Variants in PBLD observed in about 807,000 individuals in gnomAD.
PBLD encodes the protein phenazine biosynthesis-like domain-containing protein.
A neutral mutation model predicts 31.3 loss-of-function variants in PBLD; 26 were observed. The observed-to-expected ratio is 0.83, with a 90% CI of 0.61 to 1.15. The LOEUF is 1.15. Ranked by LOEUF, PBLD falls within the 50% of genes most tolerant of loss-of-function variation. PBLD has a pLI of 0.00. For synonymous variants in PBLD, 114 were observed against 129.0 expected (o/e 0.88, Z 0.79); for missense variants, 307 against 351.7 (o/e 0.87, Z 1.02).
Position 68,307,908 on chromosome 10 carries a change from T to G in PBLD, c.-59-1005A>C, listed in dbSNP as rs1158856350. On this transcript the variant is annotated intron_variant, in intron 1 of 9. Coordinates refer to ENST00000358769, the MANE Select transcript of PBLD (RefSeq NM_022129.4). ...ATTTTTTAAAAGAACGCATTTTTTC[T>G]AATTAAAAAATATGCTCATTATAAA... 3.9e-5 allele frequency among the ~76,000 whole-genome samples: 6 copies of G among 152,206 alleles called. No individual in the cohort carries two copies. In the East Asian group the frequency reaches 1.2e-3, roughly 29 times the overall value.
chr10:68,297,150 C>T (rs1424604527), intron 2 of PBLD, 165 bp from the exon 3 acceptor site: 3 of 621,878 alleles, frequency 4.8e-6, no homozygotes, highest in Non-Finnish European at 8.4e-6. Context: ...AAGATTGGTT[C>T]TCAGAAACCC....
intron 6 of PBLD, among the ~76,000 whole-genome samples, chr10:68,290,721 A>T (rs913783541): frequency 1.3e-5 from 2 of 151,392 alleles, no homozygotes; most frequent in Admixed American, 6.6e-5. Context: ...CGTCTCAAAT[A>T]AAAAAAAAGG....
intron 1 of PBLD, among the ~76,000 whole-genome samples, chr10:68,322,260 A>G (rs936759136): frequency 6.6e-6 from 1 of 152,138 alleles, no homozygotes; most frequent in Non-Finnish European, 1.5e-5. Flanking sequence ...TGCTAAGGAG[A>G]CATGATGACT....
In PBLD at chr10:68,327,067, A is replaced by AT. The variant is rs1281786999; in HGVS notation, c.-60+5716_-60+5717insA. Among the ~76,000 whole-genome samples, 3 of 151,274 alleles carry AT rather than the reference A, an allele frequency of 2.0e-5. No individual in the cohort carries two copies. The South Asian group carries it at 6.3e-4, about 32-fold the overall frequency. On this transcript the variant is annotated intron_variant, in intron 1 of 9. Coordinates refer to ENST00000358769, the MANE Select transcript of PBLD (RefSeq NM_022129.4). ...CTACAAAACAACAACAACAACAATA[A>AT]AAAAAAAACTGGGGTTCAGAAAAGT...
intron 1 of PBLD, among the ~76,000 whole-genome samples, chr10:68,330,919 A>G (rs2045053221): frequency 6.6e-6 from 1 of 152,120 alleles, no homozygotes; most frequent in Admixed American, 6.5e-5. Flanking sequence ...CACTGGCGCA[A>G]TCACGGCTCA....
At chr10:68,316,694 C>G (rs957103415) in intron 1 of PBLD, among the ~76,000 whole-genome samples, 1 of 152,124 alleles carries the variant, frequency 6.6e-6, no homozygotes, top group Non-Finnish European at 1.5e-5. Flanking sequence ...CACCTAGACA[C>G]ACAATAATCT....
At chr10:68,325,644 A>G (rs2044908108) in intron 1 of PBLD, among the ~76,000 whole-genome samples, 1 of 152,184 alleles carries the variant, frequency 6.6e-6, no homozygotes, top group Admixed American at 6.5e-5. Context: ...TAGCACACAA[A>G]CTTCTCCAAG....
intron 1 of PBLD, among the ~76,000 whole-genome samples, chr10:68,329,850 T>C (rs939609392): frequency 2.9e-4 from 44 of 152,214 alleles, no homozygotes; most frequent in African/African-American, 7.2e-4. Flanking sequence ...CGAAGGTTCA[T>C]AGTGTTTTAA....
intron 1 of PBLD, among the ~76,000 whole-genome samples, chr10:68,313,872 G>A (rs981031774): frequency 6.6e-6 from 1 of 152,120 alleles, no homozygotes; most frequent in African/African-American, 2.4e-5. Flanking sequence ...GCCAAAAATT[G>A]TTTAGGTTCT....
intron 4 of PBLD, chr10:68,296,015 TAAAATAAAATA>T (rs943573927): frequency 1.6e-4 from 49 of 309,410 alleles, no homozygotes; most frequent in Middle Eastern, 8.8e-4. Flanking sequence ...GACCAGAAAG[TAAAATAAAATA>T]AAAATAAAAT....
chr10:68,328,456 T>C (rs548072191), intron 1 of PBLD, among the ~76,000 whole-genome samples: 13 of 152,326 alleles, frequency 8.5e-5, no homozygotes, highest in Admixed American at 7.8e-4. Context: ...GTGTAATACA[T>C]GATCACGTGT....
At chr10:68,314,854 A>G (rs144266516) in intron 1 of PBLD, among the ~76,000 whole-genome samples, 7,412 of 152,084 alleles carry the variant, frequency 0.049, 270 homozygotes, top group East Asian at 0.19. Context: ...CAATGGTACA[A>G]TCTTGGCTCA....
At position 68,292,336 on chromosome 10, in the gene PBLD, T is replaced by G; in HGVS notation, c.284-98A>C. 1.9e-6 allele frequency: 2 copies of G among 1,036,994 alleles called. 1 individual carries two copies. The highest frequency in any genetic ancestry group is 3.0e-5 in the South Asian group (2 of 66,472). 64.2% of individuals were successfully genotyped at this position (1,036,994 alleles called of 1,614,324 possible). A position where few individuals can be genotyped will look rare whatever the true frequency, so the allele number is the denominator to read the frequency against. ...TGCATTGTCTTAGATTTTCTGGCAC[T>G]GTCATCCTTTTCTATGATGGAGCGA... On this transcript the variant is annotated intron_variant, in intron 4 of 9. Transcript: ENST00000358769.
At chr10:68,328,229 G>A (rs958164950) in intron 1 of PBLD, among the ~76,000 whole-genome samples, 3 of 152,118 alleles carry the variant, frequency 2.0e-5, no homozygotes. Context: ...AGTGGATTTT[G>A]TTACATTTTT....
intron 1 of PBLD, among the ~76,000 whole-genome samples, chr10:68,321,341 AAC>A (rs954116630): frequency 6.6e-6 from 1 of 152,174 alleles, no homozygotes; most frequent in Non-Finnish European, 1.5e-5. Context: ...AGACTTGAGT[AAC>A]ACTATAAACC....
At position 68,306,886 on chromosome 10, in the gene PBLD, T is replaced by C; in HGVS notation, c.-42A>G. ...TTTTGCAAGTTCTCAAAATTGCTGG[T>C]AGCCTGCTTTACGTCTTCTTCTTGG... On this transcript the variant is annotated 5_prime_UTR_variant, in exon 2 of 10. Transcript: ENST00000358769. The C allele has an allele frequency of 1.3e-6, 2 of 1,489,142 alleles. No homozygotes were observed. Among genetic ancestry groups the C allele is most frequent in the Non-Finnish European group, 1.9e-6 (2 of 1,071,246 alleles). The allele number at this position is 1,489,142 out of a possible 1,614,324, so 92.2% of individuals were successfully genotyped here. A position where few individuals can be genotyped will look rare whatever the true frequency, so the allele number is the denominator to read the frequency against.
chr10:68,309,805 CAAA>C (rs757212310), intron 1 of PBLD, among the ~76,000 whole-genome samples: 2 of 131,880 alleles, frequency 1.5e-5, no homozygotes, highest in Non-Finnish European at 1.6e-5. Context: ...GACTCCGTCT[CAAA>C]AAAAAAAAAA....
intron 8 of PBLD, among the ~76,000 whole-genome samples, chr10:68,285,948 T>A (rs991499881): frequency 2.6e-5 from 4 of 152,148 alleles, no homozygotes; most frequent in Admixed American, 6.6e-5. Flanking sequence ...CCCAAAGTGC[T>A]GGGATTACAG....
At chr10:68,325,810 C>T (rs2044911077) in intron 1 of PBLD, among the ~76,000 whole-genome samples, 1 of 152,198 alleles carries the variant, frequency 6.6e-6, no homozygotes, top group South Asian at 2.1e-4. Context: ...TTTTACTTAT[C>T]CTCCAACACT....
Sources: gnomAD v4.1 joint callset for allele counts (sites outside exome capture counted in the v4.1 genomes callset) on GRCh38, gnomAD v4.1.1 for gene constraint, MANE v1.5 for transcripts, NCBI Gene and HGNC (gene_info 2026-07-23, HGNC 2026-07-21) for gene names.